The following SLC44A4 variants were observed in gnomAD, a reference collection of about 807,000 sequenced individuals.
The protein encoded by SLC44A4 is choline transporter-like protein 4.
SLC44A4 carries 74 observed loss-of-function variants against 97.0 expected under a neutral mutation model. The ratio of observed to expected loss-of-function variants is 0.76; its 90% confidence interval spans 0.63 to 0.93. SLC44A4 has a LOEUF of 0.93. SLC44A4 is among the 40% of genes least tolerant of loss of function. The pLI is 0.00. For missense variants in SLC44A4, 799 were observed against 902.9 expected, an observed-to-expected ratio of 0.88 and a Z score of 1.48; for synonymous variants, 325 against 363.8, an observed-to-expected ratio of 0.89 and a Z score of 1.21.
At position 31,876,106 on chromosome 6, in the gene SLC44A4, C is replaced by G; in HGVS notation, c.113G>C (p.Cys38Ser). ...TAGAATGAAGAGCAGGAAGAGGACG[C>G]AGCAGATGACATCTGTGCAGCTTCT... Reference protein sequence around the residue: ...KNRSCTDVICCVLFLLFILGY... With the variant: ...KNRSCTDVICSVLFLLFILGY... Residue 38 changes from cysteine to serine, a missense_variant, in exon 3 of 21, where the codon TGC becomes TCC. Cys to Ser is a moderately radical substitution (Grantham distance 112). Transcript: ENST00000229729. The surrounding 1 kb of genome is among the most constrained non-coding windows in gnomAD (Gnocchi z 4.8). 6.2e-7 allele frequency: 1 copy of G among 1,613,898 alleles called. No homozygotes were observed. Among genetic ancestry groups the G allele is most frequent in the Non-Finnish European group, 8.5e-7 (1 of 1,179,928 alleles).
chr6:31,868,969 G>A (rs1581840705), intron 13 of SLC44A4, among the ~76,000 whole-genome samples, 186 bp downstream of exon 13: 1 of 152,274 alleles, frequency 6.6e-6, no homozygotes. Flanking sequence ...CATGATGGAT[G>A]GCTCAACAGG....
At position 31,876,882 on chromosome 6, in the gene SLC44A4, C is replaced by T; in HGVS notation, c.89+152G>A. 1 of 781,576 alleles carries T rather than the reference C, an allele frequency of 1.3e-6. No homozygotes were observed. The highest frequency in any genetic ancestry group is 2.0e-6 in the Non-Finnish European group (1 of 496,116). 48.4% of individuals were successfully genotyped at this position (781,576 alleles called of 1,614,324 possible). The stretch of plus-strand genomic sequence containing the variant: ...AAGCCCTCGATGCCTGCTCCAGACA[C>T]AACAATCCCCCCAGGGCACCACCCA... On this transcript the variant is annotated intron_variant, in intron 2 of 20. Transcript: ENST00000229729. The surrounding 1 kb of genome is among the most constrained non-coding windows in gnomAD (Gnocchi z 4.8).
Position 31,871,307 on chromosome 6 carries a change from G to A in SLC44A4, c.701+7C>T. 6.2e-7 allele frequency: 1 copy of A among 1,612,504 alleles called. No individual in the cohort carries two copies. The highest frequency in any genetic ancestry group is 1.1e-5 in the South Asian group (1 of 91,050). The stretch of plus-strand genomic sequence containing the variant: ...GGACACAAGAGGAGGGGAATCTGGT[G>A]ACTCACACAAGAATCCAATACCAGG... On this transcript the variant is annotated splice_region_variant and intron_variant, in intron 9 of 20. Transcript: ENST00000229729.
At position 31,871,404 on chromosome 6, in the gene SLC44A4, G is replaced by C; in HGVS notation, c.618-7C>G. 4.3e-6 allele frequency: 7 copies of C among 1,614,122 alleles called. No homozygotes were observed. The highest frequency in any genetic ancestry group is 5.9e-6 in the Non-Finnish European group (7 of 1,179,994). ...GAGGCTGTCAATAAGACCGCTGTTGGGGAGACAGAGTCAGATGGGGCTGTG... is the reference window on the plus strand; with the variant it reads ...GAGGCTGTCAATAAGACCGCTGTTGCGGAGACAGAGTCAGATGGGGCTGTG... On this transcript the variant is annotated splice_polypyrimidine_tract_variant and splice_region_variant and intron_variant, in intron 8 of 20. Coordinates refer to ENST00000229729, the MANE Select transcript of SLC44A4 (RefSeq NM_025257.3).
At position 31,869,211 on chromosome 6, in the gene SLC44A4, T is replaced by TGGATGC. The variant is rs779642218; in HGVS notation, c.1171_1176dup (p.Ala391_Ser392dup). ...TTCTCACAGCCGGGGGAGCTGATGTTGGATGCCCAGAGCACATACTGGGGT... is the reference window on the plus strand; with the variant it reads ...TTCTCACAGCCGGGGGAGCTGATGTTGGATGCGGATGCCCAGAGCACATACTGGGGT... On this transcript the variant is annotated inframe_insertion, in exon 13 of 21. Coordinates refer to ENST00000229729, the MANE Select transcript of SLC44A4 (RefSeq NM_025257.3). The TGGATGC allele has an allele frequency of 1.2e-6, 2 of 1,611,076 alleles. No individual in the cohort carries two copies. Among genetic ancestry groups the TGGATGC allele is most frequent in the African/African-American group, 2.7e-5 (2 of 74,978 alleles).
intron 11 of SLC44A4, among the ~76,000 whole-genome samples, 180 bp from the exon 12 acceptor site, chr6:31,869,817 C>G (rs905204676): frequency 6.6e-6 from 1 of 152,170 alleles, no homozygotes; most frequent in African/African-American, 2.4e-5. Flanking sequence ...AACCCCATCT[C>G]TACTAAAAAT....
At chr6:31,873,162 A>T (rs1415412137) in intron 7 of SLC44A4, among the ~76,000 whole-genome samples, 1 of 152,074 alleles carries the variant, frequency 6.6e-6, no homozygotes, top group African/African-American at 2.4e-5. Context: ...GGTGTGAGCC[A>T]CTGCTCCCGG....
intron 13 of SLC44A4, among the ~76,000 whole-genome samples, chr6:31,867,854 G>A (rs935882509): frequency 6.1e-5 from 8 of 132,064 alleles, no homozygotes; most frequent in African/African-American, 1.2e-4. Context: ...ACGGAGTCTC[G>A]CCGCCCAGGC....
At chr6:31,875,105 C>T (rs1489828391) in intron 4 of SLC44A4, 77 bp from the exon 5 acceptor site, 1 of 1,173,460 alleles carries the variant, frequency 8.5e-7, no homozygotes, top group Non-Finnish European at 1.3e-6. Context: ...AGGGTGGCTT[C>T]TCAAGAATAC....
rs1763560540 is a variant in SLC44A4, at chr6:31,878,247, C to T, written c.40+694G>A. Among the ~76,000 whole-genome samples, 1 of 151,942 alleles carries T rather than the reference C, an allele frequency of 6.6e-6. No homozygotes were observed. Among genetic ancestry groups the T allele is most frequent in the Admixed American group, 6.5e-5 (1 of 15,268 alleles). ...GAACCCCAGGGGCCCTGTCCCTATT[C>T]CTCAGAGTACCCCAAGACCAGCTCC... is the stretch of plus-strand genomic sequence containing the variant. On this transcript the variant is annotated intron_variant, in intron 1 of 20. Transcript: ENST00000229729. The surrounding 1 kb of genome is among the most constrained non-coding windows in gnomAD (Gnocchi z 4.0).
Position 31,876,025 on chromosome 6 carries a change from C to T in SLC44A4, c.163+31G>A. On this transcript the variant is annotated intron_variant, in intron 3 of 20. Transcript: ENST00000229729. This position sits in a 1 kb window ranked among gnomAD's most constrained non-coding sequence, Gnocchi z 4.8. ...TCCCTGGGTTCCTGTCCCTCACCCA[C>T]TGCCCTGGCTCTGAGCAGCTGGAAA... The T allele has an allele frequency of 6.2e-7, 1 of 1,613,738 alleles. No homozygotes were observed. The highest frequency in any genetic ancestry group is 1.1e-5 in the South Asian group (1 of 91,076).
chr6:31,878,891 A>G lies in SLC44A4; in HGVS notation c.40+50T>C. The G allele has an allele frequency of 6.3e-7, 1 of 1,595,410 alleles. No individual in the cohort carries two copies. Among genetic ancestry groups the G allele is most frequent in the South Asian group, 1.1e-5 (1 of 90,656 alleles). ...CAGCCCCAGACACCATTCCCAAAGT[A>G]CCCGTCCTCCCCTCCCTCCACAGGG... On this transcript the variant is annotated intron_variant, in intron 1 of 20. Coordinates refer to ENST00000229729, the MANE Select transcript of SLC44A4 (RefSeq NM_025257.3). This position sits in a 1 kb window ranked among gnomAD's most constrained non-coding sequence, Gnocchi z 4.0.
chr6:31,876,275 C>G lies in SLC44A4; in HGVS notation c.90-146G>C, dbSNP rs1763441467. On this transcript the variant is annotated intron_variant, in intron 2 of 20. Coordinates refer to ENST00000229729, the MANE Select transcript of SLC44A4 (RefSeq NM_025257.3). This position sits in a 1 kb window ranked among gnomAD's most constrained non-coding sequence, Gnocchi z 4.8. Reference sequence around the variant, plus strand: ...TATTTTTATTTTTTTATTGCTTTTACTTTTTTATTTTGAGACAGGGTCTCA... The same window carrying G: ...TATTTTTATTTTTTTATTGCTTTTAGTTTTTTATTTTGAGACAGGGTCTCA... 1 of 633,376 alleles carries G rather than the reference C, an allele frequency of 1.6e-6. No individual in the cohort carries two copies. Among genetic ancestry groups the G allele is most frequent in the East Asian group, 2.9e-5 (1 of 34,932 alleles). The allele number at this position is 633,376 out of a possible 1,614,324, so 39.2% of individuals were successfully genotyped here.
Position 31,871,004 on chromosome 6 carries a change from G to A in SLC44A4, c.745C>T (p.Leu249Phe). 1.9e-6 allele frequency: 3 copies of A among 1,612,428 alleles called. No homozygotes were observed. The highest frequency in any genetic ancestry group is 1.1e-5 in the South Asian group (1 of 91,006). The change falls in exon 10 of 21, where the codon CTT (leucine) becomes TTT (phenylalanine). Residue 249 changes from leucine to phenylalanine, a missense_variant. This residue lies in a region of SLC44A4 where 409 missense variants were observed against 434.1 expected (regional missense o/e 0.94). Coordinates refer to ENST00000229729, the MANE Select transcript of SLC44A4 (RefSeq NM_025257.3). ...AGGGGCCCAGCCACCAGGCGCAGAA[G>A]CAAGATAAACAGTAGGCTCAAGACC... ...ALVLSLLFIL[L>F]LRLVAGPLVL...
chr6:31,864,427 C>T (rs1355175008), intron 20 of SLC44A4: 1 of 598,360 alleles, frequency 1.7e-6, no homozygotes, highest in Admixed American at 3.0e-5. Context: ...GCAGAGACCT[C>T]TCCATCAGAA....
chr6:31,870,266 T>C (rs1763085593), intron 11 of SLC44A4, among the ~76,000 whole-genome samples: 1 of 152,104 alleles, frequency 6.6e-6, no homozygotes, highest in Non-Finnish European at 1.5e-5. Context: ...TTGGCAGGTG[T>C]GTGTGGCAGT....
rs1221225113 is a variant in SLC44A4, at chr6:31,871,413, A to G, written c.618-16T>C. 6 of 1,613,896 alleles carry G rather than the reference A, an allele frequency of 3.7e-6. No individual in the cohort carries two copies. In the Middle Eastern group the frequency reaches 9.9e-4, roughly 266 times the overall value. On this transcript the variant is annotated splice_polypyrimidine_tract_variant and intron_variant, in intron 8 of 20. Coordinates refer to ENST00000229729, the MANE Select transcript of SLC44A4 (RefSeq NM_025257.3). The stretch of plus-strand genomic sequence containing the variant: ...AATAAGACCGCTGTTGGGGAGACAG[A>G]GTCAGATGGGGCTGTGGGTGGAAGG...
intron 11 of SLC44A4, among the ~76,000 whole-genome samples, chr6:31,870,055 C>G (rs567916134): frequency 6.6e-6 from 1 of 152,238 alleles, no homozygotes; most frequent in East Asian, 1.9e-4. Context: ...CAGGGTGGGA[C>G]CAACAGGGTT....
intron 20 of SLC44A4, 113 bp downstream of exon 20, chr6:31,864,539 T>G: frequency 9.9e-7 from 1 of 1,008,314 alleles, no homozygotes. Flanking sequence ...TCTGGTTCGT[T>G]TAGCTCACAA....
Sources: allele counts gnomAD v4.1 joint callset (sites outside exome capture counted in the v4.1 genomes callset), GRCh38; gene constraint gnomAD v4.1.1; regional missense constraint gnomAD v4.1.1; non-coding constraint Gnocchi (gnomAD v3.1); transcripts MANE v1.5; gene names NCBI Gene and HGNC (gene_info 2026-07-23, HGNC 2026-07-21).